The following APBA3 variants were observed in gnomAD, a reference collection of about 807,000 sequenced individuals.
The protein encoded by APBA3 is amyloid-beta A4 precursor protein-binding family A member 3.
Under a neutral mutation model 55.9 loss-of-function variants are expected in APBA3, and 45 were observed. The ratio of observed to expected loss-of-function variants is 0.80; its 90% CI spans 0.63 to 1.03. APBA3 has a LOEUF of 1.03. Ranked by LOEUF, APBA3 falls within the 50% of genes least tolerant of loss-of-function variation. The pLI is 0.00. For synonymous variants in APBA3, 370 were observed against 353.3 expected, an observed-to-expected ratio of 1.05 and a Z score of -0.53; for missense variants, 865 against 820.3, an observed-to-expected ratio of 1.05 and a Z score of -0.67.
chr19:3,751,506 A>G lies in APBA3; in HGVS notation c.1443T>C (p.Pro481=), dbSNP rs2037003792. The change falls in exon 9 of 11, where the codon CCT becomes CCC. Residue 481 remains proline (P), a synonymous_variant. Transcript: ENST00000316757. Reference sequence around the variant, plus strand: ...GGTGGATGATGGCGGTGGTGACGGGAGGGCAGTGGACGATGCTGAGTGTCA... The same window carrying G: ...GGTGGATGATGGCGGTGGTGACGGGGGGGCAGTGGACGATGCTGAGTGTCA... The part of the protein sequence containing the change: ...TSVTLSIVHC[P]PVTTAIIHRP... 1 of 1,585,916 alleles carries G rather than the reference A, an allele frequency of 6.3e-7. No individual in the cohort carries two copies. The highest frequency in any genetic ancestry group is 8.6e-7 in the Non-Finnish European group (1 of 1,169,380).
chr19:3,756,857 T>C (rs536252661), intron 3 of APBA3, among the ~76,000 whole-genome samples: 11 of 152,378 alleles, frequency 7.2e-5, no homozygotes, highest in Admixed American at 2.6e-4. Context: ...TACACTATAA[T>C]TGGACAGCTC....
At position 3,759,559 on chromosome 19, in the gene APBA3, AC is replaced by A. The variant is rs1340860090; in HGVS notation, c.616+1del. 6.3e-7 allele frequency: 1 copy of A among 1,595,282 alleles called. No homozygotes were observed. Among genetic ancestry groups the A allele is most frequent in the East Asian group, 2.3e-5 (1 of 44,100 alleles). ...TGAGGCTAGGGTGGGCGGGACACTC[AC>A]CCTCCTGGGGGGCAGGGTAGGAAGC... On this transcript the variant is annotated splice_donor_variant, in intron 3 of 10. Transcript: ENST00000316757. LOFTEE classifies it high-confidence loss of function.
intron 9 of APBA3, 46 bp downstream of exon 9, chr19:3,751,388 G>A (rs2036999683): frequency 2.0e-6 from 3 of 1,514,714 alleles, no homozygotes; most frequent in Non-Finnish European, 2.6e-6. Context: ...GCCGTGCTCA[G>A]GGCCGCCCTA....
chr19:3,759,604 G>C lies in APBA3; in HGVS notation c.577-4C>G. ...AGGAAGCCAGGGTCTCGGGGCTCTGGAAGAAGATAGAGGAGGGGCAGGACT... is the reference window on the plus strand; with the variant it reads ...AGGAAGCCAGGGTCTCGGGGCTCTGCAAGAAGATAGAGGAGGGGCAGGACT... On this transcript the variant is annotated splice_region_variant and splice_polypyrimidine_tract_variant and intron_variant, in intron 2 of 10. Coordinates refer to ENST00000316757, the MANE Select transcript of APBA3 (RefSeq NM_004886.4). 1 of 1,601,018 alleles carries C rather than the reference G, an allele frequency of 6.2e-7. No homozygotes were observed. Among genetic ancestry groups the C allele is most frequent in the Non-Finnish European group, 8.5e-7 (1 of 1,175,254 alleles).
chr19:3,759,674 C>T lies in APBA3; in HGVS notation c.576+15G>A, dbSNP rs146124498. 921 of 1,610,406 alleles carry T rather than the reference C, an allele frequency of 5.7e-4. 5 individuals are homozygous for T. The African/African-American group carries it at 0.01, about 18-fold the overall frequency. ...CAGGCAGTCCAGGATGCCTGGAGGG[C>T]GGGGCGGGCACTACCTGGGCACCAG... is the stretch of plus-strand genomic sequence containing the variant. On this transcript the variant is annotated intron_variant, in intron 2 of 10. Coordinates refer to ENST00000316757, the MANE Select transcript of APBA3 (RefSeq NM_004886.4).
At position 3,752,616 on chromosome 19, in the gene APBA3, C is replaced by T. The variant is rs750303900; in HGVS notation, c.1287G>A (p.Gly429=). 5.0e-5 allele frequency: 80 copies of T among 1,587,102 alleles called. No individual in the cohort carries two copies. The highest frequency in any genetic ancestry group is 6.5e-5 in the Non-Finnish European group (76 of 1,172,266). ...GGGCCCCCGAGCGCTCAGCAGGCCC[C>T]CCGTGCAGCAGGTTGGCGATGACGG... ...PTAVIANLLH[G]GPAERSGALS... Residue 429 remains glycine, a synonymous_variant, in exon 8 of 11, where the codon GGG becomes GGA. Coordinates refer to ENST00000316757, the MANE Select transcript of APBA3 (RefSeq NM_004886.4).
chr19:3,750,897 T>C lies in APBA3; in HGVS notation c.*129A>G, dbSNP rs1045472010. ...AGACTTTGCCAAATGCATAAGCTTT[T>C]ACTGTTTTTATATTAGGAAATCATA... is the stretch of plus-strand genomic sequence containing the variant. On this transcript the variant is annotated 3_prime_UTR_variant, in exon 11 of 11. Transcript: ENST00000316757. The C allele has an allele frequency of 8.4e-6, 10 of 1,194,950 alleles. No homozygotes were observed. In the African/African-American group the frequency reaches 9.1e-5, roughly 11 times the overall value. The allele number at this position is 1,194,950 out of a possible 1,614,324, so 74.0% of individuals were successfully genotyped here.
At chr19:3,756,969 C>T (rs2037085436) in intron 3 of APBA3, among the ~76,000 whole-genome samples, 1 of 152,160 alleles carries the variant, frequency 6.6e-6, no homozygotes, top group Non-Finnish European at 1.5e-5. Context: ...TCTGAGCATT[C>T]TCATCAGCCC....
At chr19:3,752,208 TCAAA>T (rs1286357838) in intron 8 of APBA3, among the ~76,000 whole-genome samples, 3 of 152,182 alleles carry the variant, frequency 2.0e-5, no homozygotes, top group African/African-American at 4.8e-5. Flanking sequence ...AGACCTTGTC[TCAAA>T]CAAACAAACC....
intron 3 of APBA3, chr19:3,756,769 C>T (rs1057336168): frequency 6.6e-6 from 1 of 151,966 alleles, no homozygotes; most frequent in South Asian, 2.1e-4. Context: ...AATTTTTTAA[C>T]GTGGATAACT....
intron 3 of APBA3, 92 bp from the exon 4 acceptor site, chr19:3,754,432 C>G: frequency 1.3e-6 from 2 of 1,481,544 alleles, no homozygotes; most frequent in Non-Finnish European, 1.8e-6. Flanking sequence ...CCGGGAGACA[C>G]AGTGTTCTAG....
Position 3,759,857 on chromosome 19 carries a change from G to C in APBA3, c.408C>G (p.Pro136=). 6.2e-7 allele frequency: 1 copy of C among 1,612,680 alleles called. No homozygotes were observed. The highest frequency in any genetic ancestry group is 8.5e-7 in the Non-Finnish European group (1 of 1,179,870). ...TGPEEPLEPA[P]RLLQPPEDPD... is the part of the protein sequence containing the mutation. ...GGTCCTCAGGGGGCTGCAACAGTCG[G>C]GGGGCAGGCTCTAGAGGCTCTTCAG... The change falls in exon 2 of 11, where the codon CCC becomes CCG. Residue 136 remains proline (P), a synonymous_variant. Coordinates refer to ENST00000316757, the MANE Select transcript of APBA3 (RefSeq NM_004886.4).
At chr19:3,760,338 G>A in intron 1 of APBA3, 37 bp from the exon 2 acceptor site, 2 of 1,369,562 alleles carry the variant, frequency 1.5e-6, no homozygotes, top group South Asian at 1.4e-5. Flanking sequence ...GTTTCGCCCG[G>A]GTGCAGTGGC....
At chr19:3,753,743 G>T (rs747992834) in intron 6 of APBA3, 22 bp downstream of exon 6, 2 of 1,486,692 alleles carry the variant, frequency 1.3e-6, no homozygotes, top group Non-Finnish European at 9.0e-7. Context: ...CAGGAGGGTG[G>T]CCCCGCGCCC....
At chr19:3,759,491 G>A in intron 3 of APBA3, 70 bp downstream of exon 3, 1 of 1,460,440 alleles carries the variant, frequency 6.8e-7, no homozygotes, top group Non-Finnish European at 9.4e-7. Flanking sequence ...GCTGTTGCCA[G>A]GCTGGTGAGC....
rs757251913 is a variant in APBA3, at chr19:3,750,891, A to C, written c.*135T>G. 325 of 1,176,794 alleles carry C rather than the reference A, an allele frequency of 2.8e-4. No homozygotes were observed. Among genetic ancestry groups the C allele is most frequent in the Non-Finnish European group, 3.8e-4 (309 of 811,272 alleles). The allele number at this position is 1,176,794 out of a possible 1,614,324, so 72.9% of individuals were successfully genotyped here. A position where few individuals can be genotyped will look rare whatever the true frequency, so the allele number is the denominator to read the frequency against. The stretch of plus-strand genomic sequence containing the variant: ...GATCCGAGACTTTGCCAAATGCATA[A>C]GCTTTTACTGTTTTTATATTAGGAA... On this transcript the variant is annotated 3_prime_UTR_variant, in exon 11 of 11. Transcript: ENST00000316757.
Position 3,751,468 on chromosome 19 carries a change from C to T in APBA3, c.1481G>A (p.Arg494His), listed in dbSNP as rs143231370. 14 of 1,558,276 alleles carry T rather than the reference C, an allele frequency of 9.0e-6. No homozygotes were observed. In the East Asian group the frequency reaches 9.5e-5, roughly 11 times the overall value. ...TTAIIHRPHA[R>H]EQLGFCVEDG... is the part of the protein sequence containing the mutation. ...CTCCACGCAGAAGCCCAGCTGCTCG[C>T]GGGCGTGGGGCCGGTGGATGATGGC... Residue 494 changes from arginine to histidine, a missense_variant, in exon 9 of 11, where the codon CGC (arginine) becomes CAC (histidine). Transcript: ENST00000316757.
intron 6 of APBA3, 68 bp from the exon 7 acceptor site, chr19:3,753,058 G>A: frequency 6.4e-7 from 1 of 1,566,644 alleles, no homozygotes; most frequent in South Asian, 1.2e-5. Context: ...AAGTCCCCAG[G>A]GTCCTCAGAG....
chr19:3,755,567 G>GT (rs1011967494), intron 3 of APBA3: 10 of 141,030 alleles, frequency 7.1e-5, no homozygotes, highest in Non-Finnish European at 1.3e-4. Context: ...GCCGGGGGGG[G>GT]GGGGTGGATC....
Sources: gnomAD v4.1 joint callset for allele counts (sites outside exome capture counted in the v4.1 genomes callset) on GRCh38, gnomAD v4.1.1 for gene constraint, MANE v1.5 for transcripts, NCBI Gene and HGNC (gene_info 2026-07-23, HGNC 2026-07-21) for gene names.